The following ALOX5 variants were observed in gnomAD, a reference collection of about 807,000 sequenced individuals.
ALOX5 encodes polyunsaturated fatty acid 5-lipoxygenase.
A neutral mutation model predicts 87.9 loss-of-function variants in ALOX5; 64 were observed. The observed-to-expected ratio is 0.73, with a 90% CI of 0.60 to 0.90. The LOEUF (loss-of-function observed/expected upper bound fraction) is 0.90, where lower values mean the gene tolerates loss of function less well. Ranked by LOEUF, ALOX5 falls within the 40% of genes least tolerant of loss-of-function variation. The pLI is 0.00. For missense variants in ALOX5, 822 were observed against 907.5 expected, an observed-to-expected ratio of 0.91 and a Z score of 1.21; for synonymous variants, 388 against 355.1, an observed-to-expected ratio of 1.09 and a Z score of -1.04.
At chr10:45,445,478 C>G in intron 13 of ALOX5, 30 bp from the exon 14 acceptor site, 1 of 1,605,556 alleles carries the variant, frequency 6.2e-7, no homozygotes, top group Non-Finnish European at 8.5e-7. Context: ...GTGGATTGAC[C>G]TATGTGTGTG....
chr10:45,382,750 C>T, intron 2 of ALOX5, 69 bp downstream of exon 2: 2 of 1,533,602 alleles, frequency 1.3e-6, no homozygotes, highest in Non-Finnish European at 8.8e-7. Context: ...CCTCAAAGCA[C>T]TGTAGTCATA....
intron 2 of ALOX5, among the ~76,000 whole-genome samples, chr10:45,388,814 C>T (rs545804067): frequency 2.6e-5 from 4 of 152,340 alleles, no homozygotes; most frequent in African/African-American, 7.2e-5. Context: ...GGCAGCTCCT[C>T]GCGAGTGGTG....
In ALOX5 at chr10:45,444,185, G is replaced by T. The variant is rs577934345; in HGVS notation, c.1744G>T (p.Val582Leu). 4 of 1,557,180 alleles carry T rather than the reference G, an allele frequency of 2.6e-6. No homozygotes were observed. The highest frequency in any genetic ancestry group is 3.5e-6 in the Non-Finnish European group (4 of 1,150,494). ...AGCCCCGCCACCGACTGCCAAGGGC[G>T]TGGTGACCATTGAGCAGATCGTGGA... ...MRAPPPTAKGVVTIEQIVDTL... is the reference protein window; with the variant it reads ...MRAPPPTAKGLVTIEQIVDTL... Residue 582 changes from valine to leucine, a missense_variant, in exon 13 of 14, where the codon GTG becomes TTG. Physicochemically the swap from Val to Leu is conservative, Grantham distance 32. Transcript: ENST00000374391.
In ALOX5 at chr10:45,443,516, A is replaced by T. The variant is rs761032132; in HGVS notation, c.1552A>T (p.Met518Leu). The change falls in exon 11 of 14, where the codon ATG becomes TTG. Residue 518 changes from methionine to leucine, a missense_variant. Coordinates refer to ENST00000374391, the MANE Select transcript of ALOX5 (RefSeq NM_000698.5). ...DFVNDVYVYGMRGRKSSGFPK... is the reference protein window; with the variant it reads ...DFVNDVYVYGLRGRKSSGFPK... ...CGTGAACGATGTCTACGTGTACGGC[A>T]TGCGGGGCCGCAAGTCCTCAGGTAG... 2.4e-5 allele frequency: 38 copies of T among 1,612,664 alleles called. No homozygotes were observed. The highest frequency in any genetic ancestry group is 3.2e-5 in the Non-Finnish European group (38 of 1,179,390).
intron 3 of ALOX5, among the ~76,000 whole-genome samples, chr10:45,407,362 T>A (rs11239517): frequency 0.15 from 22,759 of 151,718 alleles, 1,882 homozygotes; most frequent in African/African-American, 0.16. Flanking sequence ...TTAAAATGTA[T>A]TCAGTATATA....
intron 3 of ALOX5, among the ~76,000 whole-genome samples, chr10:45,404,209 C>T (rs1407327008): frequency 1.3e-5 from 2 of 152,202 alleles, no homozygotes; most frequent in Admixed American, 6.5e-5. Flanking sequence ...CAGAAACCCT[C>T]CTTTGCTTCC....
chr10:45,400,378 T>C (rs1740770264), intron 3 of ALOX5, among the ~76,000 whole-genome samples: 1 of 151,996 alleles, frequency 6.6e-6, no homozygotes, highest in African/African-American at 2.4e-5. Flanking sequence ...GACGGGCAGA[T>C]CACTTGAGGT....
At chr10:45,414,447 T>C (rs573501120) in intron 4 of ALOX5, among the ~76,000 whole-genome samples, 1 of 152,276 alleles carries the variant, frequency 6.6e-6, no homozygotes, top group East Asian at 1.9e-4. Context: ...TCAAGATGGA[T>C]TAAATACTTA....
intron 6 of ALOX5, chr10:45,428,286 G>T (rs374876764): frequency 8.2e-6 from 3 of 365,438 alleles, no homozygotes; most frequent in African/African-American, 6.2e-5. Context: ...CATTTAACTC[G>T]TCACATCTAT....
At position 45,428,639 on chromosome 10, in the gene ALOX5, G is replaced by A. The variant is rs756403009; in HGVS notation, c.856G>A (p.Asp286Asn). The change falls in exon 7 of 14, where the codon GAC becomes AAC. Residue 286 changes from aspartate (D) to asparagine (N), a missense_variant. By Grantham distance (23) the Asp-to-Asn change is conservative. Transcript: ENST00000374391. ...GCAGCAAGGGAACATTTTCATCGTG[G>A]ACTTTGAGCTGCTGGATGGCATCGA... ...EVQQGNIFIV[D>N]FELLDGIDAN... is the part of the protein sequence containing the mutation. 1 of 1,614,142 alleles carries A rather than the reference G, an allele frequency of 6.2e-7. No homozygotes were observed. Among genetic ancestry groups the A allele is most frequent in the South Asian group, 1.1e-5 (1 of 91,074 alleles).
intron 4 of ALOX5, among the ~76,000 whole-genome samples, chr10:45,414,626 G>A (rs1841202086): frequency 6.6e-6 from 1 of 152,102 alleles, no homozygotes; most frequent in Non-Finnish European, 1.5e-5. Flanking sequence ...CACAGCAAAA[G>A]AAACTACCAT....
chr10:45,407,487 C>T (rs896849212), intron 3 of ALOX5, among the ~76,000 whole-genome samples: 3 of 151,680 alleles, frequency 2.0e-5, no homozygotes, highest in African/African-American at 4.8e-5. Flanking sequence ...AAGTTAAGGA[C>T]GCATGCCCGG....
intron 1 of ALOX5, among the ~76,000 whole-genome samples, chr10:45,379,046 G>A (rs780969943): frequency 7.9e-5 from 12 of 152,106 alleles, no homozygotes; most frequent in African/African-American, 1.9e-4. Flanking sequence ...GTGCTGGAGG[G>A]TCACCCCACT....
intron 4 of ALOX5, among the ~76,000 whole-genome samples, chr10:45,412,809 T>G (rs1248136465): frequency 6.6e-6 from 1 of 152,212 alleles, no homozygotes; most frequent in Non-Finnish European, 1.5e-5. Context: ...GTTGACTACC[T>G]TCCTTGCCTA....
rs757434861 is a variant in ALOX5 at position 45,424,994 on chromosome 10, G to A, written c.696G>A (p.Met232Ile). 6.2e-7 allele frequency: 1 copy of A among 1,614,236 alleles called. No homozygotes were observed. Among genetic ancestry groups the A allele is most frequent in the South Asian group, 1.1e-5 (1 of 91,082 alleles). Residue 232 changes from methionine to isoleucine, a missense_variant, in exon 6 of 14, where the codon ATG (methionine) becomes ATA (isoleucine). Met to Ile is a conservative substitution (Grantham distance 10, BLOSUM62 1). Transcript: ENST00000374391. ...RVMNHWQEDL[M>I]FGYQFLNGCN... ...TGAATCACTGGCAGGAAGACCTGAT[G>A]TTTGGCTACCAGTTCCTGAATGGCT...
intron 9 of ALOX5, 28 bp from the exon 10 acceptor site, chr10:45,443,010 G>C (rs756199477): frequency 1.6e-5 from 25 of 1,598,714 alleles, no homozygotes; most frequent in Non-Finnish European, 2.0e-5. Flanking sequence ...GGAGCCACCC[G>C]CTCAGGGCAC....
At chr10:45,391,624 C>A in intron 2 of ALOX5, among the ~76,000 whole-genome samples, 1 of 151,980 alleles carries the variant, frequency 6.6e-6, no homozygotes, top group South Asian at 2.1e-4. Context: ...CTCTGCCCGG[C>A]CGCCATCCTG....
chr10:45,442,416 A>G (rs1329107677), intron 9 of ALOX5, among the ~76,000 whole-genome samples: 1 of 152,136 alleles, frequency 6.6e-6, no homozygotes, highest in Admixed American at 6.5e-5. Flanking sequence ...GCACCCCAGC[A>G]CCCAAGTCCT....
chr10:45,383,552 G>A lies in ALOX5; in HGVS notation c.349+871G>A, dbSNP rs569757094. On this transcript the variant is annotated intron_variant, in intron 2 of 13. Transcript: ENST00000374391. ...AAGCCACTGCTTCTGCCATGACAGC[G>A]TCAAACTCTTTCTCTTTGCCAAGTT... Among the ~76,000 whole-genome samples the A allele has an allele frequency of 3.3e-5, 5 of 152,348 alleles. No individual in the cohort carries two copies. The East Asian group carries it at 5.8e-4, about 18-fold the overall frequency.
Sources: allele counts gnomAD v4.1 joint callset (sites outside exome capture counted in the v4.1 genomes callset), GRCh38; gene constraint gnomAD v4.1.1; transcripts MANE v1.5; gene names NCBI Gene and HGNC (gene_info 2026-07-23, HGNC 2026-07-21).